Variants in DIXDC1 observed in about 807,000 individuals in gnomAD.
DIXDC1 encodes the protein DIX domain containing 1.
DIXDC1 carries 64 observed loss-of-function variants against 103.1 expected under a neutral mutation model. The observed-to-expected ratio is 0.62, with a 90% CI of 0.51 to 0.76. The LOEUF (loss-of-function observed/expected upper bound fraction) is 0.76, where lower values mean the gene tolerates loss of function less well. Ranked by LOEUF, DIXDC1 falls within the 30% of genes least tolerant of loss-of-function variation. The probability of loss-of-function intolerance (pLI) is 0.00; values close to 1 mark genes in which losing one functional copy is unlikely to be tolerated. For synonymous variants in DIXDC1, 266 were observed against 298.5 expected, an observed-to-expected ratio of 0.89 and a Z score of 1.12; for missense variants, 759 against 834.2, an observed-to-expected ratio of 0.91 and a Z score of 1.11.
At chr11:111,994,910 C>T in intron 14 of DIXDC1, 109 bp from the exon 15 acceptor site, 2 of 1,031,530 alleles carry the variant, frequency 1.9e-6, no homozygotes, top group Admixed American at 2.3e-5. Flanking sequence ...ATTAAACAGA[C>T]AATTATATAC....
intron 17 of DIXDC1, among the ~76,000 whole-genome samples, chr11:112,002,003 C>T (rs587672296): frequency 5.3e-5 from 8 of 152,024 alleles, no homozygotes; most frequent in Admixed American, 3.3e-4. Context: ...GTGATCTGCC[C>T]GCCTCGGCCT....
At chr11:111,994,499 ACATACATATATAAC>A (rs1472737738) in intron 14 of DIXDC1, among the ~76,000 whole-genome samples, 17 of 151,528 alleles carry the variant, frequency 1.1e-4, no homozygotes, top group Non-Finnish European at 2.4e-4. Flanking sequence ...ACACATATAT[ACATACATATATAAC>A]CATACATATA....
At chr11:111,932,913 C>T (rs1198897067), upstream of DIXDC1, among the ~76,000 whole-genome samples, 1 of 152,104 alleles carries the variant, frequency 6.6e-6, no homozygotes, top group Admixed American at 6.5e-5. Context: ...AGAATAAGAC[C>T]TGGCATATAA....
chr11:111,944,527 G>A (rs1555169191), intron 1 of DIXDC1, among the ~76,000 whole-genome samples: 1 of 152,194 alleles, frequency 6.6e-6, no homozygotes, highest in African/African-American at 2.4e-5. Flanking sequence ...CAGGAAGAAG[G>A]TTACATTTGG....
intron 1 of DIXDC1, chr11:111,946,723 G>C: frequency 2.3e-6 from 1 of 431,882 alleles, no homozygotes; most frequent in Non-Finnish European, 4.7e-6. Context: ...TGTCACAGCA[G>C]GAACTCATTG....
rs1291953502 is a variant in DIXDC1, at chr11:111,976,934, G to A, written c.656+1951G>A. 3 of 152,592 alleles carry A rather than the reference G, an allele frequency of 2.0e-5. No individual in the cohort carries two copies. Among genetic ancestry groups the A allele is most frequent in the African/African-American group, 7.2e-5 (3 of 41,448 alleles). The allele number at this position is 152,592 out of a possible 1,614,324, so 9.5% of individuals were successfully genotyped here. On this transcript the variant is annotated intron_variant, in intron 5 of 19. Transcript: ENST00000440460. This position sits in a 1 kb window ranked among gnomAD's most constrained non-coding sequence, Gnocchi z 4.3. ...CGTCAGAGTCTCCACCCCGAGGAGC[G>A]GCCAGAGCCCCATGCGGGCCTGACC...
intron 17 of DIXDC1, among the ~76,000 whole-genome samples, chr11:112,004,942 A>G (rs1426694392): frequency 1.3e-5 from 2 of 152,164 alleles, no homozygotes; most frequent in African/African-American, 2.4e-5. Context: ...CTGTCTTAAC[A>G]TATGTCTGGC....
intron 17 of DIXDC1, among the ~76,000 whole-genome samples, chr11:112,001,722 GC>G (rs1861070343): frequency 6.6e-6 from 1 of 151,764 alleles, no homozygotes; most frequent in South Asian, 2.1e-4. Context: ...GGAAGATGGG[GC>G]CACTATACAA....
intron 1 of DIXDC1, among the ~76,000 whole-genome samples, chr11:111,957,225 T>C (rs1555170663): frequency 2.0e-5 from 3 of 152,048 alleles, no homozygotes; most frequent in Admixed American, 2.0e-4. Flanking sequence ...TTCCTCACAG[T>C]TGGAATTACA....
upstream of DIXDC1, among the ~76,000 whole-genome samples, chr11:111,932,565 G>A (rs1475352336): frequency 1.4e-5 from 2 of 144,308 alleles, no homozygotes; most frequent in Non-Finnish European, 3.0e-5. Flanking sequence ...CAGCTTGGGC[G>A]ACAGAAGCGA....
At chr11:111,956,025 G>GTGGACTATT (rs1566483242) in intron 1 of DIXDC1, among the ~76,000 whole-genome samples, 1 of 105,270 alleles carries the variant, frequency 9.5e-6, no homozygotes, top group African/African-American at 3.8e-5. Context: ...CACACACACG[G>GTGGACTATT]TGGACTATTA....
intron 3 of DIXDC1, 21 bp downstream of exon 3, chr11:111,968,659 T>G: frequency 6.3e-7 from 1 of 1,599,504 alleles, no homozygotes. Flanking sequence ...CATCACATCC[T>G]TGGTGCATGA....
At chr11:111,991,375 T>C (rs1860708559) in intron 10 of DIXDC1, among the ~76,000 whole-genome samples, 1 of 152,236 alleles carries the variant, frequency 6.6e-6, no homozygotes. Flanking sequence ...GGCACATTAA[T>C]GTCCCATGGA....
rs949536074 is a variant in DIXDC1 at position 111,976,927 on chromosome 11, G to C, written c.656+1944G>C. 1.3e-5 allele frequency: 2 copies of C among 152,610 alleles called. No individual in the cohort carries two copies. The highest frequency in any genetic ancestry group is 1.3e-4 in the Admixed American group (2 of 15,288). The allele number at this position is 152,610 out of a possible 1,614,324, so 9.5% of individuals were successfully genotyped here. A position where few individuals can be genotyped will look rare whatever the true frequency, so the allele number is the denominator to read the frequency against. On this transcript the variant is annotated intron_variant, in intron 5 of 19. Transcript: ENST00000440460. The surrounding 1 kb of genome is among the most constrained non-coding windows in gnomAD (Gnocchi z 4.3). ...TGGGGAGCGTCAGAGTCTCCACCCC[G>C]AGGAGCGGCCAGAGCCCCATGCGGG...
chr11:111,938,198 A>G (rs1444086910), intron 1 of DIXDC1, among the ~76,000 whole-genome samples: 1 of 152,188 alleles, frequency 6.6e-6, no homozygotes, highest in African/African-American at 2.4e-5. Flanking sequence ...CCTCACTCTG[A>G]CAGGCAAGAT....
intron 17 of DIXDC1, among the ~76,000 whole-genome samples, chr11:112,011,709 A>T (rs1592631195): frequency 6.6e-6 from 1 of 152,230 alleles, no homozygotes; most frequent in South Asian, 2.1e-4. Flanking sequence ...AAGGACCAAA[A>T]ACCAAACACC....
chr11:111,943,725 C>T (rs1592545028), intron 1 of DIXDC1, among the ~76,000 whole-genome samples: 1 of 152,120 alleles, frequency 6.6e-6, no homozygotes, highest in East Asian at 1.9e-4. Context: ...TGGTCTCGAT[C>T]TCCTGACTTC....
intron 3 of DIXDC1, among the ~76,000 whole-genome samples, chr11:111,970,606 G>A (rs1347655623): frequency 6.6e-6 from 1 of 150,818 alleles, no homozygotes; most frequent in African/African-American, 2.4e-5. Context: ...AGGTTCCAGT[G>A]AGCCAAGATT....
chr11:111,975,376 G>A, intron 5 of DIXDC1: 1 of 1,052,520 alleles, frequency 9.5e-7, no homozygotes, highest in South Asian at 3.5e-5. Flanking sequence ...AAAAGTCTGT[G>A]TAAAGCTCAT....
Sources: gnomAD v4.1 joint callset for allele counts (sites outside exome capture counted in the v4.1 genomes callset) on GRCh38, gnomAD v4.1.1 for gene constraint, Gnocchi (gnomAD v3.1) non-coding constraint, MANE v1.5 for transcripts, NCBI Gene and HGNC (gene_info 2026-07-23, HGNC 2026-07-21) for gene names.